ZFAND3: variants seen among roughly 807,000 people sequenced by gnomAD.
The protein encoded by ZFAND3 is zinc finger AN1-type containing 3.
ZFAND3 carries 10 observed loss-of-function variants against 29.6 expected under a neutral mutation model. The ratio of observed to expected loss-of-function variants is 0.34; its 90% CI spans 0.21 to 0.57. ZFAND3 has a LOEUF of 0.57. Ranked by LOEUF, ZFAND3 falls within the 20% of genes least tolerant of loss-of-function variation. ZFAND3 has a pLI of 0.86. For synonymous variants in ZFAND3, 128 were observed against 112.6 expected, an observed-to-expected ratio of 1.14 and a Z score of -0.87; for missense variants, 230 against 304.5, an observed-to-expected ratio of 0.76 and a Z score of 1.82.
chr6:37,977,009 G>A (rs115732613), intron 2 of ZFAND3, among the ~76,000 whole-genome samples: 1,996 of 152,224 alleles, frequency 0.013, 35 homozygotes, highest in African/African-American at 0.044. Flanking sequence ...ACCTTTTATG[G>A]TCATGTGTCT....
At chr6:38,018,028 G>A (rs969796571) in intron 2 of ZFAND3, among the ~76,000 whole-genome samples, 2 of 152,028 alleles carry the variant, frequency 1.3e-5, no homozygotes, top group African/African-American at 2.4e-5. Flanking sequence ...AGTTGTTGGT[G>A]GACTAAAATG....
At chr6:37,999,329 C>T (rs898808041) in intron 2 of ZFAND3, among the ~76,000 whole-genome samples, 2 of 152,120 alleles carry the variant, frequency 1.3e-5, no homozygotes, top group South Asian at 2.1e-4. Flanking sequence ...GATAAATTTG[C>T]CATGTAGCAT....
At chr6:38,005,236 T>TTCTA (rs539894205) in intron 2 of ZFAND3, among the ~76,000 whole-genome samples, 123 of 152,322 alleles carry the variant, frequency 8.1e-4, no homozygotes, top group African/African-American at 2.8e-3. Flanking sequence ...TATGGGCATA[T>TTCTA]TCTATATCTC....
At chr6:37,836,491 T>C (rs1230426520) in intron 1 of ZFAND3, among the ~76,000 whole-genome samples, 1 of 152,202 alleles carries the variant, frequency 6.6e-6, no homozygotes, top group Non-Finnish European at 1.5e-5. Flanking sequence ...AGTAGGTTCA[T>C]GCTGCAAAGA....
In ZFAND3 at chr6:38,036,984, A is replaced by G. The variant is rs76544850; in HGVS notation, c.113-24609A>G. Among the ~76,000 whole-genome samples the G allele has an allele frequency of 3.7e-3, 568 of 152,298 alleles. 3 individuals are homozygous for G. Among genetic ancestry groups the G allele is most frequent in the Non-Finnish European group, 6.2e-3 (424 of 68,028 alleles). ...AAACTGTAAAATCAGAATTTATCTT[A>G]TATATCAGTACTTTTTCATTTAGTT... On this transcript the variant is annotated intron_variant, in intron 2 of 5. Coordinates refer to ENST00000287218, the MANE Select transcript of ZFAND3 (RefSeq NM_021943.3).
At chr6:38,076,701 TGAA>T (rs912668117) in intron 3 of ZFAND3, among the ~76,000 whole-genome samples, 1 of 152,228 alleles carries the variant, frequency 6.6e-6, no homozygotes, top group African/African-American at 2.4e-5. Context: ...ATCTGTGTGT[TGAA>T]GAATTTCTGT....
intron 2 of ZFAND3, among the ~76,000 whole-genome samples, chr6:38,036,249 A>G (rs182498819): frequency 6.6e-6 from 1 of 152,350 alleles, no homozygotes; most frequent in African/African-American, 2.4e-5. Flanking sequence ...GGTGACCCCT[A>G]AGAAGCCAGG....
At chr6:38,126,615 A>G (rs1444225400) in intron 5 of ZFAND3, among the ~76,000 whole-genome samples, 2 of 152,192 alleles carry the variant, frequency 1.3e-5, no homozygotes, top group Non-Finnish European at 2.9e-5. Context: ...GTATCTCATT[A>G]TGGTATATTA....
intron 2 of ZFAND3, among the ~76,000 whole-genome samples, chr6:38,041,327 C>T (rs1763755192): frequency 6.6e-6 from 1 of 151,994 alleles, no homozygotes. Context: ...ATATAAATGT[C>T]CTTTTCTTCA....
intron 2 of ZFAND3, among the ~76,000 whole-genome samples, chr6:37,999,054 A>G (rs2127438682): frequency 6.6e-6 from 1 of 152,318 alleles, no homozygotes; most frequent in African/African-American, 2.4e-5. Flanking sequence ...GGTCAGTTCT[A>G]GGACTGGAGT....
At chr6:38,099,848 A>G (rs926528865) in intron 4 of ZFAND3, among the ~76,000 whole-genome samples, 1 of 152,218 alleles carries the variant, frequency 6.6e-6, no homozygotes, top group African/African-American at 2.4e-5. Context: ...TAGTGTTATT[A>G]CATTACAGCT....
intron 1 of ZFAND3, among the ~76,000 whole-genome samples, chr6:37,912,681 C>T (rs945471643): frequency 2.0e-5 from 3 of 152,270 alleles, no homozygotes; most frequent in Admixed American, 6.5e-5. Flanking sequence ...TACAGGGCTT[C>T]ACTGTACTTA....
At chr6:37,997,192 GT>G (rs1195511757) in intron 2 of ZFAND3, among the ~76,000 whole-genome samples, 2 of 152,178 alleles carry the variant, frequency 1.3e-5, no homozygotes, top group African/African-American at 4.8e-5. Flanking sequence ...TATTTATACT[GT>G]TTTCTTATTT....
At chr6:38,081,115 A>G (rs1764652237) in intron 3 of ZFAND3, among the ~76,000 whole-genome samples, 1 of 148,974 alleles carries the variant, frequency 6.7e-6, no homozygotes, top group Non-Finnish European at 1.5e-5. Context: ...CTAGCTATTT[A>G]TTGCTGTCAT....
At chr6:37,851,337 C>G (rs1436997461) in intron 1 of ZFAND3, among the ~76,000 whole-genome samples, 1 of 151,854 alleles carries the variant, frequency 6.6e-6, no homozygotes, top group Non-Finnish European at 1.5e-5. Flanking sequence ...CAGTTTTTTC[C>G]CACTCTATTT....
At chr6:37,893,979 G>A (rs954833707) in intron 1 of ZFAND3, among the ~76,000 whole-genome samples, 2 of 152,156 alleles carry the variant, frequency 1.3e-5, no homozygotes, top group Admixed American at 1.3e-4. Context: ...CTTAGGCTGG[G>A]TGCCGTGGCT....
chr6:37,891,416 TCCC>T (rs113061455), intron 1 of ZFAND3, among the ~76,000 whole-genome samples: 1 of 117,136 alleles, frequency 8.5e-6, no homozygotes, highest in African/African-American at 3.8e-5. Flanking sequence ...GAGATTTCAG[TCCC>T]CCCCCCCGCC....
intron 1 of ZFAND3, among the ~76,000 whole-genome samples, chr6:37,869,160 CTTTA>C (rs1339336637): frequency 2.0e-5 from 3 of 152,106 alleles, no homozygotes; most frequent in African/African-American, 4.8e-5. Context: ...GTGATTTTGT[CTTTA>C]TTTATTTATT....
intron 2 of ZFAND3, 33 bp from the exon 3 acceptor site, chr6:38,061,560 C>T: frequency 6.2e-7 from 1 of 1,612,766 alleles, no homozygotes. Context: ...ACTGTGAACT[C>T]CTTAATTAAG....
Sources: gnomAD v4.1 joint callset for allele counts (sites outside exome capture counted in the v4.1 genomes callset) on GRCh38, gnomAD v4.1.1 for gene constraint, MANE v1.5 for transcripts, NCBI Gene and HGNC (gene_info 2026-07-23, HGNC 2026-07-21) for gene names.